Variants in CELSR2 observed in about 807,000 individuals in gnomAD.
The protein encoded by CELSR2 is cadherin EGF LAG seven-pass G-type receptor 2, also known as EGF-like protein 2.
CELSR2 carries 81 observed loss-of-function variants against 251.6 expected under a neutral mutation model. The observed-to-expected ratio is 0.32, with a 90% CI of 0.27 to 0.39. The LOEUF (loss-of-function observed/expected upper bound fraction) is 0.39. CELSR2 is among the 10% of genes least tolerant of loss of function. The probability of loss-of-function intolerance (pLI) is 1.00; values close to 1 mark genes in which losing one functional copy is unlikely to be tolerated. For synonymous variants in CELSR2, 1,721 were observed against 1,670.5 expected (o/e 1.03, Z -0.74); for missense variants, 3,365 against 3,947.7 (o/e 0.85, Z 3.96).
rs770758652 is a variant in CELSR2 at position 109,253,304 on chromosome 1, C to G, written c.3225C>G (p.Leu1075=). 4 of 1,613,468 alleles carry G rather than the reference C, an allele frequency of 2.5e-6. No homozygotes were observed. The highest frequency in any genetic ancestry group is 1.7e-5 in the Admixed American group (1 of 60,028). The change falls in exon 1 of 34, where the codon CTC becomes CTG. Residue 1075 remains leucine, a synonymous_variant. Transcript: ENST00000271332. ...GAAATGAACTCAGCCTGGTCCTGCT[C>G]AATGCCTCCACGGGTGAGCTGAAGC... is the stretch of plus-strand genomic sequence containing the variant. ...ERGNELSLVL[L]NASTGELKLS... is the part of the protein sequence containing the mutation.
Position 109,250,907 on chromosome 1 carries a change from C to T in CELSR2, c.828C>T (p.Thr276=). The T allele has an allele frequency of 6.2e-7, 1 of 1,613,936 alleles. No homozygotes were observed. Among genetic ancestry groups the T allele is most frequent in the South Asian group, 1.1e-5 (1 of 91,088 alleles). ...GACGAAGTGCCCTGGCTACACTCAC[C>T]ATCTTGGTTACTGACACCAATGACC... ...MPRRSALATL[T]ILVTDTNDHD... Residue 276 remains threonine (T), a synonymous_variant, in exon 1 of 34, where the codon ACC becomes ACT. Transcript: ENST00000271332. The surrounding 1 kb of genome is among the most constrained non-coding windows in gnomAD (Gnocchi z 4.4).
rs1656501346 is a variant in CELSR2 at position 109,275,344 on chromosome 1, C to G, written c.*1295C>G. 6.6e-6 allele frequency: 1 copy of G among 152,298 alleles called. No homozygotes were observed. The highest frequency in any genetic ancestry group is 2.4e-5 in the African/African-American group (1 of 41,452). 9.4% of individuals were successfully genotyped at this position (152,298 alleles called of 1,614,324 possible). A position where few individuals can be genotyped will look rare whatever the true frequency, so the allele number is the denominator to read the frequency against. ...CCCAGGCCATCATCTCCCCACCTCT[C>G]CTCCCCTCTCCTCAGTTTTGCCGAC... On this transcript the variant is annotated 3_prime_UTR_variant, in exon 34 of 34. Coordinates refer to ENST00000271332, the MANE Select transcript of CELSR2 (RefSeq NM_001408.3).
rs776773777 is a variant in CELSR2, at chr1:109,272,718, CCAG to C, written c.8139_8141del (p.Gln2713del). The stretch of plus-strand genomic sequence containing the variant: ...GCAGCCTGTTCCTGGAAGGTCAAGA[CCAG>C]CAGCATGGTGAGGACAGAACGCTCT... On this transcript the variant is annotated inframe_deletion, in exon 30 of 34. Coordinates refer to ENST00000271332, the MANE Select transcript of CELSR2 (RefSeq NM_001408.3). 6.9e-5 allele frequency: 112 copies of C among 1,613,692 alleles called. No individual in the cohort carries two copies. In the South Asian group the frequency reaches 1.2e-3, roughly 17 times the overall value.
chr1:109,255,109 G>C (rs1387581923), intron 1 of CELSR2, among the ~76,000 whole-genome samples: 2 of 152,122 alleles, frequency 1.3e-5, no homozygotes, highest in African/African-American at 4.8e-5. Context: ...TCCTGGCCCG[G>C]CAGCTCTGGC....
intron 1 of CELSR2, among the ~76,000 whole-genome samples, chr1:109,253,818 T>C (rs1346204503): frequency 3.3e-5 from 5 of 152,170 alleles, no homozygotes; most frequent in Non-Finnish European, 7.4e-5. Context: ...ATTCCTGCAG[T>C]CTCACACAGC....
intron 31 of CELSR2, 42 bp downstream of exon 31, chr1:109,273,069 G>A (rs1426748979): frequency 6.3e-7 from 1 of 1,596,168 alleles, no homozygotes; most frequent in Admixed American, 1.7e-5. Flanking sequence ...GCCAGTGGGA[G>A]GACAGTGGGC....
At position 109,258,775 on chromosome 1, in the gene CELSR2, C is replaced by A; in HGVS notation, c.3654C>A (p.Ala1218=). 6.2e-7 allele frequency: 1 copy of A among 1,602,210 alleles called. No homozygotes were observed. Among genetic ancestry groups the A allele is most frequent in the African/African-American group, 1.3e-5 (1 of 74,876 alleles). The change falls in exon 2 of 34, where the codon GCC becomes GCA. Residue 1218 remains alanine, a synonymous_variant. Transcript: ENST00000271332. The stretch of plus-strand genomic sequence containing the variant: ...ACCTCAACCGCAGCCTGCTGACGGC[C>A]ATCTCGGCACAGCGCGTGCTGCCCT... ...RLYLNRSLLT[A]ISAQRVLPFD...
rs1163763672 is a variant in CELSR2, at chr1:109,262,348, C to A, written c.4448C>A (p.Thr1483Asn). The change falls in exon 6 of 34, where the codon ACC becomes AAC. Residue 1483 changes from threonine to asparagine, a missense_variant. Coordinates refer to ENST00000271332, the MANE Select transcript of CELSR2 (RefSeq NM_001408.3). ...TCAGAGCAGAAGGTGGCTGTGGTGACCGTGGATGGCTGTGACACAGGAGTG... is the reference window on the plus strand; with the variant it reads ...TCAGAGCAGAAGGTGGCTGTGGTGAACGTGGATGGCTGTGACACAGGAGTG... ...GPSEQKVAVV[T>N]VDGCDTGVAL... 1 of 1,614,164 alleles carries A rather than the reference C, an allele frequency of 6.2e-7. No individual in the cohort carries two copies.
At chr1:109,265,983 A>C in intron 14 of CELSR2, 65 bp downstream of exon 14, 3 of 1,583,516 alleles carry the variant, frequency 1.9e-6, no homozygotes, top group Non-Finnish European at 2.6e-6. Flanking sequence ...ACCCCAGGAA[A>C]GCCAGGAAGG....
intron 24 of CELSR2, 31 bp downstream of exon 24, chr1:109,270,631 C>G: frequency 6.2e-7 from 1 of 1,601,502 alleles, no homozygotes; most frequent in Non-Finnish European, 8.5e-7. Context: ...TCTTGGGGTC[C>G]CACATCCCTG....
Position 109,263,785 on chromosome 1 carries a change from A to T in CELSR2, c.5001+8A>T. On this transcript the variant is annotated splice_region_variant and intron_variant, in intron 9 of 33. Transcript: ENST00000271332. ...AGCACCATCACCCTACAGGTGATGC[A>T]TGGAAGGGCGGCTGGCCCTGGCCTG... The T allele has an allele frequency of 1.9e-6, 3 of 1,611,408 alleles. No individual in the cohort carries two copies. Among genetic ancestry groups the T allele is most frequent in the Non-Finnish European group, 2.5e-6 (3 of 1,179,198 alleles).
In CELSR2 at chr1:109,264,573, T is replaced by G; in HGVS notation, c.5409T>G (p.Pro1803=). The G allele has an allele frequency of 6.2e-7, 1 of 1,614,134 alleles. No homozygotes were observed. Among genetic ancestry groups the G allele is most frequent in the South Asian group, 1.1e-5 (1 of 91,086 alleles). ...LPDPCDSNPC[P]ANSYCSNDWD... ...ACCCTTGTGACTCAAACCCGTGTCC[T>G]GCTAACAGCTATTGCAGCAACGACT... is the stretch of plus-strand genomic sequence containing the variant. Residue 1803 remains proline, a synonymous_variant, in exon 11 of 34, where the codon CCT becomes CCG. Transcript: ENST00000271332.
chr1:109,258,496 C>T lies in CELSR2; in HGVS notation c.3375C>T (p.Leu1125=), dbSNP rs2101246509. The T allele has an allele frequency of 6.2e-7, 1 of 1,602,384 alleles. No homozygotes were observed. Among genetic ancestry groups the T allele is most frequent in the Non-Finnish European group, 8.5e-7 (1 of 1,174,448 alleles). The stretch of plus-strand genomic sequence containing the variant: ...TGACCATCATCACCGATGAGATGCT[C>T]ACCCACAGCATCACGCTGCGCCTGG... ...LRVTIITDEM[L]THSITLRLED... Residue 1125 remains leucine, a synonymous_variant, in exon 2 of 34, where the codon CTC becomes CTT. Transcript: ENST00000271332.
rs1184136519 is a variant in CELSR2 at position 109,265,924 on chromosome 1, G to C, written c.5911+6G>C. The C allele has an allele frequency of 1.2e-6, 2 of 1,608,604 alleles. No individual in the cohort carries two copies. The highest frequency in any genetic ancestry group is 3.3e-5 in the Admixed American group (2 of 59,956). On this transcript the variant is annotated splice_donor_region_variant and intron_variant, in intron 14 of 33. Coordinates refer to ENST00000271332, the MANE Select transcript of CELSR2 (RefSeq NM_001408.3). ...CACCACCAATGGCTGTGAAGGTGGG[G>C]CTCCTGGGATGGGTGGGCAGCCCTC...
chr1:109,273,659 G>C lies in CELSR2; in HGVS notation c.8733G>C (p.Ser2911=). The C allele has an allele frequency of 6.9e-7, 1 of 1,458,706 alleles. No homozygotes were observed. The highest frequency in any genetic ancestry group is 9.2e-7 in the Non-Finnish European group (1 of 1,092,286). The allele number at this position is 1,458,706 out of a possible 1,614,324, so 90.4% of individuals were successfully genotyped here. A position where few individuals can be genotyped will look rare whatever the true frequency, so the allele number is the denominator to read the frequency against. ...SIKAGTVDED[S]SGSEFLFFNF... ...AGGCAGGCACGGTGGATGAGGACTCGTCAGGCTCCGAGTGAGTGTGGCCGG... is the reference window on the plus strand; with the variant it reads ...AGGCAGGCACGGTGGATGAGGACTCCTCAGGCTCCGAGTGAGTGTGGCCGG... Residue 2911 remains serine (S), a synonymous_variant, in exon 33 of 34, where the codon TCG becomes TCC. Transcript: ENST00000271332.
chr1:109,250,665 G>C lies in CELSR2; in HGVS notation c.586G>C (p.Ala196Pro), dbSNP rs146709942. Residue 196 changes from alanine (A) to proline (P), a missense_variant, in exon 1 of 34, where the codon GCA becomes CCA. Transcript: ENST00000271332. The surrounding 1 kb of genome is among the most constrained non-coding windows in gnomAD (Gnocchi z 4.4). ...GGCCACAGTGCCGGAGAACCAGCCA[G>C]CAGGCACCCCTGTTGCATCCCTGAG... Reference protein sequence around the residue: ...YQATVPENQPAGTPVASLRAI... With the variant: ...YQATVPENQPPGTPVASLRAI... 21 of 1,613,994 alleles carry C rather than the reference G, an allele frequency of 1.3e-5. No homozygotes were observed. Among genetic ancestry groups the C allele is most frequent in the Non-Finnish European group, 1.6e-5 (19 of 1,180,028 alleles).
intron 1 of CELSR2, among the ~76,000 whole-genome samples, chr1:109,255,222 TG>T (rs1391410636): frequency 9.2e-5 from 14 of 152,194 alleles, no homozygotes; most frequent in Admixed American, 3.3e-4. Context: ...ACTGCCCCTT[TG>T]TTTTCCTCCT....
intron 14 of CELSR2, 90 bp from the exon 15 acceptor site, chr1:109,266,015 G>A (rs1656176862): frequency 5.7e-6 from 9 of 1,584,950 alleles, no homozygotes; most frequent in Non-Finnish European, 7.7e-6. Flanking sequence ...GGCCTGGGGA[G>A]GCCTGGGGAG....
intron 1 of CELSR2, among the ~76,000 whole-genome samples, chr1:109,255,595 A>G (rs1325721903): frequency 6.6e-6 from 1 of 152,200 alleles, no homozygotes; most frequent in East Asian, 1.9e-4. Context: ...CCAGGGGAAG[A>G]GAGGCTGGGA....
Sources: gnomAD v4.1 joint callset for allele counts (sites outside exome capture counted in the v4.1 genomes callset) on GRCh38, gnomAD v4.1.1 for gene constraint, Gnocchi (gnomAD v3.1) non-coding constraint, MANE v1.5 for transcripts, NCBI Gene and HGNC (gene_info 2026-07-23, HGNC 2026-07-21) for gene names.